The following KPNA7 variants were observed in gnomAD, a reference collection of about 807,000 sequenced individuals.
KPNA7 encodes the protein karyopherin subunit alpha 7.
In KPNA7, 54 loss-of-function variants were observed where a neutral mutation model predicts 53.7. The ratio of observed to expected loss-of-function variants is 1.01; its 90% CI spans 0.81 to 1.26. The LOEUF (loss-of-function observed/expected upper bound fraction) is 1.26. KPNA7 is among the 50% of genes most tolerant of loss of function. The probability of loss-of-function intolerance (pLI) is 0.00; values close to 1 mark genes in which losing one functional copy is unlikely to be tolerated. For synonymous variants in KPNA7, 276 were observed against 259.3 expected (o/e 1.06, Z -0.62); for missense variants, 640 against 644.5 (o/e 0.99, Z 0.07).
chr7:99,189,269 C>T (rs980619754), intron 6 of KPNA7, among the ~76,000 whole-genome samples: 1 of 152,058 alleles, frequency 6.6e-6, no homozygotes, highest in African/African-American at 2.4e-5. Flanking sequence ...CCTCTGGATC[C>T]CATCCCTTTT....
chr7:99,178,162 C>A (rs1049614117), intron 9 of KPNA7, 96 bp from the exon 10 acceptor site: 15 of 1,076,300 alleles, frequency 1.4e-5, no homozygotes, highest in Non-Finnish European at 1.9e-5. Context: ...CGAGTGGAAG[C>A]AGACCAAAGG....
Position 99,188,318 on chromosome 7 carries a change from G to A in KPNA7, c.882C>T (p.Ser294=), listed in dbSNP as rs1425396268. ...CATTTACCAAGACATTGAGTTCTGAGCTGGTCATGAGCACTACCAGCCTGG... is the reference window on the plus strand; with the variant it reads ...CATTTACCAAGACATTGAGTTCTGAACTGGTCATGAGCACTACCAGCCTGG... ...VLPRLVVLMT[S]SELNVLTPSL... Residue 294 remains serine (S), a synonymous_variant, in exon 7 of 11, where the codon AGC becomes AGT. Transcript: ENST00000327442. The A allele has an allele frequency of 7.1e-6, 11 of 1,551,278 alleles. No homozygotes were observed. Among genetic ancestry groups the A allele is most frequent in the Non-Finnish European group, 9.6e-6 (11 of 1,146,902 alleles).
the KPNA7 span, among the ~76,000 whole-genome samples, chr7:99,166,477 G>T: frequency 0.044 from 6,677 of 152,176 alleles, 178 homozygotes; most frequent in Middle Eastern, 0.065. Context: ...ACCATGCTCA[G>T]CTAATTTTTG....
intron 7 of KPNA7, among the ~76,000 whole-genome samples, chr7:99,186,131 A>C (rs1161530056): frequency 1.3e-5 from 2 of 152,168 alleles, no homozygotes; most frequent in East Asian, 3.8e-4. Context: ...ATTAGTATTT[A>C]TCAGTGTCAA....
intron 1 of KPNA7, among the ~76,000 whole-genome samples, chr7:99,217,618 CCTTTT>C (rs1791246929): frequency 2.0e-5 from 2 of 98,998 alleles, no homozygotes; most frequent in Non-Finnish European, 3.7e-5. Flanking sequence ...CTCCACCTTG[CCTTTT>C]TTTTTTTTTT....
chr7:99,162,036 A>C, the KPNA7 span, among the ~76,000 whole-genome samples: 1 of 143,720 alleles, frequency 7.0e-6, no homozygotes, highest in Non-Finnish European at 1.5e-5. Flanking sequence ...CCAAGATTGC[A>C]ATTTTTTTTT....
At chr7:99,183,162 G>C (rs1333785277) in intron 8 of KPNA7, among the ~76,000 whole-genome samples, 1 of 152,056 alleles carries the variant, frequency 6.6e-6, no homozygotes, top group Non-Finnish European at 1.5e-5. Flanking sequence ...TGAGGAAGGA[G>C]AATCACTTGA....
chr7:99,202,712 G>C (rs1226821526), intron 3 of KPNA7, among the ~76,000 whole-genome samples: 1 of 152,014 alleles, frequency 6.6e-6, no homozygotes, highest in Non-Finnish European at 1.5e-5. Flanking sequence ...AGGCATGATG[G>C]TGAGTGCCTG....
intron 3 of KPNA7, among the ~76,000 whole-genome samples, chr7:99,198,403 G>A (rs924597012): frequency 3.3e-5 from 5 of 151,874 alleles, no homozygotes; most frequent in African/African-American, 4.8e-5. Flanking sequence ...ATGCCTAAAC[G>A]TATGAAACAT....
chr7:99,200,715 C>G (rs545230621), intron 3 of KPNA7, among the ~76,000 whole-genome samples: 1 of 152,194 alleles, frequency 6.6e-6, no homozygotes, highest in Non-Finnish European at 1.5e-5. Context: ...GTGGCTCACA[C>G]CTGTAATCCC....
chr7:99,150,502 C>T, the KPNA7 span, among the ~76,000 whole-genome samples: 1 of 149,586 alleles, frequency 6.7e-6, no homozygotes, highest in Non-Finnish European at 1.5e-5. Flanking sequence ...ACAATCTCCG[C>T]CTCCTGGGTT....
At chr7:99,208,785 A>T (rs1790948390), upstream of KPNA7, among the ~76,000 whole-genome samples, 1 of 152,188 alleles carries the variant, frequency 6.6e-6, no homozygotes, top group South Asian at 2.1e-4. Context: ...CATAGCAGTA[A>T]AGGAAAGCTT....
At chr7:99,182,973 A>G (rs1324749871) in intron 8 of KPNA7, among the ~76,000 whole-genome samples, 1 of 151,984 alleles carries the variant, frequency 6.6e-6, no homozygotes, top group African/African-American at 2.4e-5. Flanking sequence ...AATATCGTTC[A>G]GGTCGGGCAC....
In KPNA7 at chr7:99,185,073, G is replaced by T. The variant is rs879214646; in HGVS notation, c.990C>A (p.Leu330=). The part of the protein sequence containing the change: ...MAIDAGMLNV[L]PQLLQHNKPS... ...GCTTGTTGTGTTGCAGGAGCTGGGG[G>T]AGCACGTTCAGCATACCCGCATCAA... The change falls in exon 8 of 11, where the codon CTC becomes CTA. Residue 330 remains leucine, a synonymous_variant. Transcript: ENST00000327442. 2.6e-6 allele frequency: 4 copies of T among 1,551,888 alleles called. No individual in the cohort carries two copies. Among genetic ancestry groups the T allele is most frequent in the Non-Finnish European group, 3.5e-6 (4 of 1,147,044 alleles).
chr7:99,164,510 A>T, the KPNA7 span, among the ~76,000 whole-genome samples: 1 of 152,164 alleles, frequency 6.6e-6, no homozygotes, highest in African/African-American at 2.4e-5. Flanking sequence ...AGGGGGAGGG[A>T]TAGCATTAGG....
At position 99,180,773 on chromosome 7, in the gene KPNA7, C is replaced by G. The variant is rs1478125879; in HGVS notation, c.1317+1110G>C. Among the ~76,000 whole-genome samples the G allele has an allele frequency of 2.1e-5, 2 of 95,528 alleles. 1 individual carries two copies. The highest frequency in any genetic ancestry group is 7.5e-5 in the African/African-American group (2 of 26,628). The allele number at this position is 95,528 out of a possible 152,430, so 62.7% of individuals were successfully genotyped here. ...TCTCTCTCTCTCCCCGTCTGTGTCT[C>G]TCTCTCTCTCCCCGTCTGTGTCTCT... is the stretch of plus-strand genomic sequence containing the variant. On this transcript the variant is annotated intron_variant, in intron 9 of 10. Transcript: ENST00000327442.
At chr7:99,190,847 G>C (rs752774037) in intron 6 of KPNA7, among the ~76,000 whole-genome samples, 1 of 151,784 alleles carries the variant, frequency 6.6e-6, no homozygotes, top group Non-Finnish European at 1.5e-5. Flanking sequence ...CGGCCAGCCA[G>C]GTCATGTTTG....
At chr7:99,170,189 A>G (rs998471447), downstream of KPNA7, among the ~76,000 whole-genome samples, 10 of 152,228 alleles carry the variant, frequency 6.6e-5, no homozygotes, top group Non-Finnish European at 1.2e-4. Context: ...GACATCAGAC[A>G]TCTGATGGAA....
At chr7:99,218,577 G>A (rs973361123) in intron 1 of KPNA7, among the ~76,000 whole-genome samples, 1 of 152,158 alleles carries the variant, frequency 6.6e-6, no homozygotes, top group Non-Finnish European at 1.5e-5. Context: ...CCGCGTCTGG[G>A]CTCTGCAGAG....
Sources: gnomAD v4.1 joint callset for allele counts (sites outside exome capture counted in the v4.1 genomes callset) on GRCh38, gnomAD v4.1.1 for gene constraint, MANE v1.5 for transcripts, NCBI Gene and HGNC (gene_info 2026-07-23, HGNC 2026-07-21) for gene names.